RAD51B: variants seen among roughly 807,000 people sequenced by gnomAD.
The protein encoded by RAD51B is DNA repair protein RAD51 homolog 2.
Under a neutral mutation model 42.2 loss-of-function variants are expected in RAD51B, and 38 were observed. The ratio of observed to expected loss-of-function variants is 0.90; its 90% CI spans 0.70 to 1.18. The LOEUF (loss-of-function observed/expected upper bound fraction) is 1.18, where lower values mean the gene tolerates loss of function less well. RAD51B is among the 50% of genes most tolerant of loss of function. The probability of loss-of-function intolerance (pLI) is 0.00; values close to 1 mark genes in which losing one functional copy is unlikely to be tolerated. For synonymous variants in RAD51B, 154 were observed against 145.2 expected (o/e 1.06, Z -0.43); for missense variants, 373 against 400.7 (o/e 0.93, Z 0.59).
At chr14:67,848,896 C>T (rs1255438108) in intron 4 of RAD51B, among the ~76,000 whole-genome samples, 1 of 152,186 alleles carries the variant, frequency 6.6e-6, no homozygotes, top group Non-Finnish European at 1.5e-5. Context: ...TTCTTTTCTA[C>T]ACTGAAAATA....
intron 7 of RAD51B, among the ~76,000 whole-genome samples, chr14:68,226,592 G>A (rs1405210183): frequency 1.3e-5 from 2 of 152,190 alleles, no homozygotes; most frequent in African/African-American, 4.8e-5. Flanking sequence ...GCCTGGTGCC[G>A]TGTAAGACGT....
At chr14:68,395,144 T>C (rs2083877744) in intron 8 of RAD51B, among the ~76,000 whole-genome samples, 1 of 152,186 alleles carries the variant, frequency 6.6e-6, no homozygotes, top group South Asian at 2.1e-4. Flanking sequence ...AAGCCAGCGA[T>C]TCTTCCTCCT....
intron 8 of RAD51B, 81 bp downstream of exon 8, chr14:68,292,061 G>A: frequency 7.6e-7 from 1 of 1,317,032 alleles, no homozygotes. Flanking sequence ...TTGAGAGCTG[G>A]GAGATATGGC....
intron 8 of RAD51B, among the ~76,000 whole-genome samples, chr14:68,344,237 A>G (rs1198427665): frequency 6.6e-6 from 1 of 152,236 alleles, no homozygotes; most frequent in Non-Finnish European, 1.5e-5. Context: ...ACTCCAACCC[A>G]TGAGAGCAGT....
intron 7 of RAD51B, among the ~76,000 whole-genome samples, chr14:67,978,666 C>T (rs542212828): frequency 9.2e-5 from 14 of 152,302 alleles, no homozygotes; most frequent in Non-Finnish European, 1.9e-4. Flanking sequence ...CTATTGCTTT[C>T]TCTAGCCACT....
At chr14:68,048,370 A>T (rs1190268486) in intron 7 of RAD51B, among the ~76,000 whole-genome samples, 2 of 151,848 alleles carry the variant, frequency 1.3e-5, no homozygotes, top group Admixed American at 6.6e-5. Context: ...GATTGCAAAA[A>T]TTTTCTCCCG....
At chr14:68,179,779 A>G (rs1182460553) in intron 7 of RAD51B, among the ~76,000 whole-genome samples, 2 of 152,202 alleles carry the variant, frequency 1.3e-5, no homozygotes, top group Non-Finnish European at 2.9e-5. Context: ...CATAGAAAGC[A>G]TGCATTAGAA....
rs181997214 is a variant in RAD51B, at chr14:68,221,494, G to A, written c.757-70390G>A. ...GGGATAATTGGCAAGCCACATGTAG[G>A]AGAATGAAACTGGATCCTCATCTCT... On this transcript the variant is annotated intron_variant, in intron 7 of 10. Coordinates refer to ENST00000471583, the MANE Select transcript of RAD51B (RefSeq NM_133510.4). Among the ~76,000 whole-genome samples, 183 of 152,296 alleles carry A rather than the reference G, an allele frequency of 1.2e-3. No individual in the cohort carries two copies. In the Middle Eastern group the frequency reaches 0.027, roughly 23 times the overall value.
intron 8 of RAD51B, among the ~76,000 whole-genome samples, chr14:68,407,297 A>G (rs1322475368): frequency 3.3e-5 from 5 of 152,246 alleles, no homozygotes; most frequent in Admixed American, 6.5e-5. Flanking sequence ...ACTGGTTATT[A>G]TAAGTAGAAT....
chr14:68,470,442 C>CA (rs2086093606), intron 10 of RAD51B: 1 of 466,060 alleles, frequency 2.1e-6, no homozygotes, highest in Admixed American at 2.5e-5. Context: ...GCAGGCCCCT[C>CA]ATTTACTAGA....
intron 7 of RAD51B, among the ~76,000 whole-genome samples, chr14:67,892,127 A>AAAGTCCTTTACAGGATTTTTCTTTTCCAT (rs1395764019): frequency 4.6e-5 from 7 of 152,174 alleles, no homozygotes; most frequent in Non-Finnish European, 7.3e-5. Flanking sequence ...TGAGGTAAGA[A>AAAGTCCTTTACAGGATTTTTCTTTTCCAT]AAGTCCTTTA....
At chr14:67,940,045 TA>T (rs1566969229) in intron 7 of RAD51B, among the ~76,000 whole-genome samples, 4 of 15,444 alleles carry the variant, frequency 2.6e-4, no homozygotes, top group Non-Finnish European at 5.5e-4. Context: ...TATATATATA[TA>T]TATATATATT....
intron 11 of RAD51B, among the ~76,000 whole-genome samples, chr14:68,672,665 A>G (rs148840155): frequency 6.6e-6 from 1 of 152,358 alleles, no homozygotes; most frequent in African/African-American, 2.4e-5. Flanking sequence ...TTTTCCTTCA[A>G]AGCAATCTAG....
intron 7 of RAD51B, among the ~76,000 whole-genome samples, chr14:68,247,350 A>G (rs1356458306): frequency 6.6e-6 from 1 of 152,188 alleles, no homozygotes; most frequent in South Asian, 2.1e-4. Flanking sequence ...AAATTTTGCT[A>G]TCAAAAGCAG....
At chr14:67,847,582 T>C (rs2041663602) in intron 4 of RAD51B, among the ~76,000 whole-genome samples, 3 of 152,150 alleles carry the variant, frequency 2.0e-5, no homozygotes, top group African/African-American at 2.4e-5. Context: ...TATATTTGCG[T>C]AGTTTTGAGA....
chr14:68,675,295 A>C lies in RAD51B; in HGVS notation c.*11+24439A>C, dbSNP rs564873892. Among the ~76,000 whole-genome samples, 2 of 152,328 alleles carry C rather than the reference A, an allele frequency of 1.3e-5. 1 individual carries two copies. The highest frequency in any genetic ancestry group is 4.1e-4 in the South Asian group (2 of 4,820). ...TGCTTTTCTGAGACATAGTTTGAGG[A>C]GAATCCAAGTCTCCTGAACTTATCT... On this transcript the variant is annotated intron_variant, in intron 11 of 11. Transcript: ENST00000488612.
At chr14:68,473,033 C>T (rs561261725) in intron 10 of RAD51B, among the ~76,000 whole-genome samples, 2 of 152,262 alleles carry the variant, frequency 1.3e-5, no homozygotes, top group Admixed American at 1.3e-4. Context: ...GATTTATTGA[C>T]AAAAATGTCC....
chr14:67,975,709 T>A (rs1365976609), intron 7 of RAD51B, among the ~76,000 whole-genome samples: 1 of 152,234 alleles, frequency 6.6e-6, no homozygotes, highest in Non-Finnish European at 1.5e-5. Context: ...ATTTGCCTTA[T>A]TTGAACGTAG....
rs1256498888 is a variant in RAD51B at position 67,950,143 on chromosome 14, A to G, written c.756+62939A>G. Among the ~76,000 whole-genome samples the G allele has an allele frequency of 1.3e-5, 2 of 152,140 alleles. 1 individual carries two copies. Among genetic ancestry groups the G allele is most frequent in the Non-Finnish European group, 2.9e-5 (2 of 68,016 alleles). Reference sequence around the variant, plus strand: ...TAGCCTCTACCGAGAGAGTCAGCCTATCCTTTGAAGTTTTGAAACCAGGCA... The same window carrying G: ...TAGCCTCTACCGAGAGAGTCAGCCTGTCCTTTGAAGTTTTGAAACCAGGCA... On this transcript the variant is annotated intron_variant, in intron 7 of 10. Transcript: ENST00000471583.
Sources: gnomAD v4.1 joint callset for allele counts (sites outside exome capture counted in the v4.1 genomes callset) on GRCh38, gnomAD v4.1.1 for gene constraint, MANE v1.5 for transcripts, NCBI Gene and HGNC (gene_info 2026-07-23, HGNC 2026-07-21) for gene names.